Variants in SOX5 observed in about 807,000 individuals in gnomAD.
The protein encoded by SOX5 is transcription factor SOX-5.
Under a neutral mutation model 92.0 loss-of-function variants are expected in SOX5, and 9 were observed. That is an observed-to-expected ratio of 0.10 (90% CI 0.06 to 0.17). The LOEUF (loss-of-function observed/expected upper bound fraction) is 0.17, where lower values mean the gene tolerates loss of function less well. Among genes scored for constraint, SOX5 ranks in the 10% least tolerant of loss-of-function variants. The probability of loss-of-function intolerance (pLI) is 1.00; values close to 1 mark genes in which losing one functional copy is unlikely to be tolerated. For synonymous variants in SOX5, 344 were observed against 336.3 expected (o/e 1.02, Z -0.25); for missense variants, 642 against 944.5 (o/e 0.68, Z 4.20).
chr12:24,526,518 T>TC, intron 1 of SOX5, among the ~76,000 whole-genome samples: 1 of 152,116 alleles, frequency 6.6e-6, no homozygotes, highest in Non-Finnish European at 1.5e-5. Flanking sequence ...TTCAAGAAGT[T>TC]CTCTTTCTTG....
intron 8 of SOX5, among the ~76,000 whole-genome samples, chr12:23,606,692 T>C (rs2075299041): frequency 6.6e-6 from 1 of 152,038 alleles, no homozygotes; most frequent in Admixed American, 6.6e-5. Flanking sequence ...ATAAAAACTC[T>C]AAAATAGTTT....
chr12:23,622,623 A>C (rs2077314837), intron 8 of SOX5, among the ~76,000 whole-genome samples: 1 of 152,230 alleles, frequency 6.6e-6, no homozygotes, highest in Admixed American at 6.5e-5. Context: ...ATCTCACATA[A>C]TTGGGAAAAT....
chr12:24,433,522 T>C (rs940204038), intron 1 of SOX5, among the ~76,000 whole-genome samples: 2 of 152,202 alleles, frequency 1.3e-5, no homozygotes, highest in African/African-American at 4.8e-5. Context: ...AATGGTATGG[T>C]AATTAATATT....
intron 4 of SOX5, among the ~76,000 whole-genome samples, chr12:23,750,076 C>T (rs1330927772): frequency 6.6e-6 from 1 of 151,726 alleles, no homozygotes; most frequent in Non-Finnish European, 1.5e-5. Flanking sequence ...AGTTTTAATT[C>T]TAGATTCTAG....
intron 2 of SOX5, among the ~76,000 whole-genome samples, chr12:24,303,178 T>C (rs925722051): frequency 1.3e-5 from 2 of 152,196 alleles, no homozygotes; most frequent in Non-Finnish European, 2.9e-5. Context: ...TCTATATTTG[T>C]AGGTGAATTT....
chr12:23,803,783 ACC>A (rs1466687615), intron 3 of SOX5, among the ~76,000 whole-genome samples: 1 of 152,226 alleles, frequency 6.6e-6, no homozygotes, highest in East Asian at 1.9e-4. Flanking sequence ...CAGGCTGACA[ACC>A]ATAAGAAAGT....
chr12:23,922,576 G>T (rs1938624500), intron 1 of SOX5, among the ~76,000 whole-genome samples: 1 of 152,176 alleles, frequency 6.6e-6, no homozygotes, highest in Admixed American at 6.5e-5. Context: ...ATGCACAGGT[G>T]AAGTTGAAAC....
At chr12:24,285,149 A>C (rs1018715578) in intron 2 of SOX5, among the ~76,000 whole-genome samples, 11 of 152,150 alleles carry the variant, frequency 7.2e-5, no homozygotes, top group African/African-American at 2.7e-4. Flanking sequence ...AAAGAAAGAA[A>C]AAAAAATAAT....
intron 7 of SOX5, among the ~76,000 whole-genome samples, chr12:23,659,019 T>C (rs1023802642): frequency 6.6e-5 from 10 of 152,248 alleles, no homozygotes; most frequent in African/African-American, 2.4e-4. Context: ...ATTTCCTATT[T>C]TGTCAGTTTG....
chr12:24,137,014 G>T (rs796856925), intron 4 of SOX5, among the ~76,000 whole-genome samples: 9 of 152,220 alleles, frequency 5.9e-5, no homozygotes, highest in African/African-American at 2.2e-4. Flanking sequence ...GCTAATAAAG[G>T]TCTGGAACTT....
chr12:23,670,268 G>A (rs954244604), intron 6 of SOX5, among the ~76,000 whole-genome samples: 3 of 152,114 alleles, frequency 2.0e-5, no homozygotes, highest in African/African-American at 7.2e-5. Context: ...AGAACAGAGG[G>A]TAGAAATCAT....
At chr12:23,544,524 G>A (rs1350488880) in intron 12 of SOX5, among the ~76,000 whole-genome samples, 1 of 152,050 alleles carries the variant, frequency 6.6e-6, no homozygotes, top group Non-Finnish European at 1.5e-5. Context: ...TAAATTTGGA[G>A]ACACAGGAAT....
At chr12:23,838,850 G>T (rs912327024) in intron 3 of SOX5, among the ~76,000 whole-genome samples, 3 of 104,610 alleles carry the variant, frequency 2.9e-5, no homozygotes, top group Non-Finnish European at 4.0e-5. Context: ...TTTTGGGGGG[G>T]GGGGGCGGGG....
At chr12:23,649,271 G>T (rs1178965823) in intron 7 of SOX5, among the ~76,000 whole-genome samples, 2 of 151,690 alleles carry the variant, frequency 1.3e-5, no homozygotes, top group African/African-American at 4.8e-5. Context: ...AAATACAGAA[G>T]CTGCTGTAAG....
chr12:23,889,885 A>G (rs1016261705), intron 2 of SOX5, among the ~76,000 whole-genome samples: 1 of 152,234 alleles, frequency 6.6e-6, no homozygotes, highest in African/African-American at 2.4e-5. Context: ...AAATGTCATC[A>G]GTATAAACAA....
At chr12:24,326,998 G>C (rs1055866010) in intron 2 of SOX5, among the ~76,000 whole-genome samples, 3 of 152,094 alleles carry the variant, frequency 2.0e-5, no homozygotes, top group Non-Finnish European at 4.4e-5. Context: ...TTGGCACAGC[G>C]TCTCAGACAC....
intron 4 of SOX5, among the ~76,000 whole-genome samples, chr12:24,137,243 A>C (rs1053498496): frequency 1.3e-5 from 2 of 152,268 alleles, no homozygotes; most frequent in Admixed American, 6.5e-5. Flanking sequence ...ATGAATCTAC[A>C]CTGGGCAAGT....
In SOX5 at chr12:24,135,281, C is replaced by T. The variant is rs74071432; in HGVS notation, c.-2+78062G>A. Among the ~76,000 whole-genome samples the T allele has an allele frequency of 3.8e-3, 572 of 152,298 alleles. 5 individuals are homozygous for T. The highest frequency in any genetic ancestry group is 0.013 in the African/African-American group (541 of 41,558). ...CTCAGATATAGCAACCAATCCAAAACGGATCCCTCCTTCCCTTAGACCCTC... is the reference window on the plus strand; with the variant it reads ...CTCAGATATAGCAACCAATCCAAAATGGATCCCTCCTTCCCTTAGACCCTC... On this transcript the variant is annotated intron_variant, in intron 4 of 4. Transcript: ENST00000446891.
rs541279086 is a variant in SOX5 at position 23,560,692 on chromosome 12, T to A, written c.1488+2566A>T. 2.8e-4 allele frequency among the ~76,000 whole-genome samples: 42 copies of A among 152,348 alleles called. No individual in the cohort carries two copies. In the South Asian group the frequency reaches 4.8e-3, roughly 17 times the overall value. ...CTACCACCGTCTCTAATACATAGCA[T>A]GTGCTAATGTTGAATAATTACTAAT... On this transcript the variant is annotated intron_variant, in intron 11 of 14. Transcript: ENST00000451604.
Sources: allele counts gnomAD v4.1 joint callset (sites outside exome capture counted in the v4.1 genomes callset), GRCh38; gene constraint gnomAD v4.1.1; transcripts MANE v1.5; gene names NCBI Gene and HGNC (gene_info 2026-07-23, HGNC 2026-07-21).